SEC31A: variants seen among roughly 807,000 people sequenced by gnomAD.
SEC31A encodes SEC31 homolog A, COPII component.
SEC31A carries 70 observed loss-of-function variants against 151.0 expected under a neutral mutation model. The observed-to-expected ratio is 0.46, with a 90% CI of 0.38 to 0.57. The LOEUF (loss-of-function observed/expected upper bound fraction) is 0.57. SEC31A is among the 20% of genes least tolerant of loss of function. The pLI, the probability that SEC31A is intolerant of heterozygous loss-of-function variation, is 0.00. For synonymous variants in SEC31A, 475 were observed against 505.9 expected (o/e 0.94, Z 0.82); for missense variants, 1,330 against 1,471.2 (o/e 0.90, Z 1.57).
intron 14 of SEC31A, among the ~76,000 whole-genome samples, chr4:82,860,136 G>C (rs191922332): frequency 1.1e-4 from 17 of 151,990 alleles, no homozygotes; most frequent in African/African-American, 3.9e-4. Context: ...TTGCTTTCTA[G>C]AAACAATTTA....
chr4:82,869,788 C>T (rs893868534), intron 8 of SEC31A, among the ~76,000 whole-genome samples: 3 of 152,116 alleles, frequency 2.0e-5, no homozygotes, highest in Non-Finnish European at 2.9e-5. Context: ...ATCGAAGACA[C>T]TCTTTATTTT....
chr4:82,871,162 C>T (rs958400197), intron 7 of SEC31A, among the ~76,000 whole-genome samples: 2 of 152,186 alleles, frequency 1.3e-5, no homozygotes, highest in Non-Finnish European at 2.9e-5. Flanking sequence ...GGCAAATCAG[C>T]AAGACCCCAT....
At chr4:82,829,791 T>G (rs1378246770) in intron 22 of SEC31A, among the ~76,000 whole-genome samples, 2 of 152,182 alleles carry the variant, frequency 1.3e-5, no homozygotes, top group Non-Finnish European at 2.9e-5. Flanking sequence ...CCCTGTTATT[T>G]CAAAGTGAAA....
At chr4:82,833,894 GGA>G (rs896553259) in intron 22 of SEC31A, among the ~76,000 whole-genome samples, 3 of 152,158 alleles carry the variant, frequency 2.0e-5, no homozygotes, top group African/African-American at 7.2e-5. Context: ...CATGTCCCAG[GGA>G]AACTGTGAGG....
rs1002166850 is a variant in SEC31A, at chr4:82,844,569, T to C, written c.2503-60A>G. On this transcript the variant is annotated intron_variant, in intron 20 of 26. Transcript: ENST00000395310. ...AAGTAGAACCAGGAACTTCACCAGA[T>C]GGAATTACAATCTCTGAAATGGAAT... The C allele has an allele frequency of 1.5e-5, 22 of 1,517,096 alleles. No individual in the cohort carries two copies. In the Admixed American group the frequency reaches 3.7e-4, roughly 25 times the overall value. 94.0% of individuals were successfully genotyped at this position (1,517,096 alleles called of 1,614,324 possible). A position where few individuals can be genotyped will look rare whatever the true frequency, so the allele number is the denominator to read the frequency against.
intron 25 of SEC31A, among the ~76,000 whole-genome samples, chr4:82,822,919 G>C (rs1176752742): frequency 2.6e-5 from 4 of 152,098 alleles, no homozygotes. Context: ...GTTGCAGTGA[G>C]CCGAGATTGC....
intron 3 of SEC31A, chr4:82,899,664 A>G (rs1178639808): frequency 6.5e-6 from 1 of 152,688 alleles, no homozygotes; most frequent in Non-Finnish European, 1.5e-5. Flanking sequence ...TTCCATTCAG[A>G]GAAGATACAA....
At position 82,851,617 on chromosome 4, in the gene SEC31A, A is replaced by G; in HGVS notation, c.2155-13T>C. Reference sequence around the variant, plus strand: ...TCTCAATCAGATCCTAAATGAAAAAAATGAGTAACAAACAGAAATATCAAG... The same window carrying G: ...TCTCAATCAGATCCTAAATGAAAAAGATGAGTAACAAACAGAAATATCAAG... On this transcript the variant is annotated splice_polypyrimidine_tract_variant and intron_variant, in intron 18 of 26. Transcript: ENST00000395310. 1 of 1,598,608 alleles carries G rather than the reference A, an allele frequency of 6.3e-7. No homozygotes were observed. The highest frequency in any genetic ancestry group is 1.1e-5 in the South Asian group (1 of 89,562).
upstream of SEC31A, chr4:82,893,666 T>C (rs1282030227): frequency 2.0e-5 from 3 of 152,252 alleles, no homozygotes; most frequent in Non-Finnish European, 4.4e-5. Flanking sequence ...TAAGTCAACA[T>C]GAGTAGTCAC....
chr4:82,879,387 G>A (rs1738755239), intron 3 of SEC31A, among the ~76,000 whole-genome samples: 3 of 150,688 alleles, frequency 2.0e-5, no homozygotes, highest in South Asian at 4.2e-4. Context: ...AAAAAAAAGG[G>A]GGGGTCACTA....
intron 15 of SEC31A, among the ~76,000 whole-genome samples, 164 bp from the exon 16 acceptor site, chr4:82,857,294 T>C (rs928511896): frequency 6.6e-6 from 1 of 152,214 alleles, no homozygotes; most frequent in Non-Finnish European, 1.5e-5. Context: ...TATTGGTATT[T>C]ATGGAAGAGG....
chr4:82,841,926 T>C (rs1243978894), intron 22 of SEC31A, among the ~76,000 whole-genome samples: 1 of 149,448 alleles, frequency 6.7e-6, no homozygotes, highest in African/African-American at 2.5e-5. Context: ...AAGCCGAGAG[T>C]GCACCACTGT....
chr4:82,844,626 A>T, intron 20 of SEC31A, 117 bp from the exon 21 acceptor site: 1 of 1,008,900 alleles, frequency 9.9e-7, no homozygotes, highest in Non-Finnish European at 1.4e-6. Context: ...ACTTTATTGC[A>T]TAAGAAACAT....
chr4:82,890,102 C>A (rs965315773), intron 1 of SEC31A, among the ~76,000 whole-genome samples: 22 of 149,944 alleles, frequency 1.5e-4, no homozygotes, highest in African/African-American at 4.9e-4. Context: ...GTGGTGGGCG[C>A]CTGTAATCCC....
chr4:82,875,915 C>T (rs1433921305), intron 4 of SEC31A, 93 bp from the exon 5 acceptor site: 1 of 565,746 alleles, frequency 1.8e-6, no homozygotes, highest in Non-Finnish European at 3.0e-6. Flanking sequence ...TTAGATGTAG[C>T]ATACACAATT....
upstream of SEC31A, chr4:82,894,893 C>T (rs967639005): frequency 6.6e-6 from 1 of 152,090 alleles, no homozygotes; most frequent in African/African-American, 2.4e-5. Context: ...TATTTTGGTC[C>T]AAAAATTTTG....
At chr4:82,879,341 T>C (rs1738722842) in intron 3 of SEC31A, among the ~76,000 whole-genome samples, 1 of 143,942 alleles carries the variant, frequency 6.9e-6, no homozygotes, top group Non-Finnish European at 1.5e-5. Flanking sequence ...TATTTGACTA[T>C]AGAAGGGTCT....
upstream of SEC31A, chr4:82,895,748 T>C (rs1033486945): frequency 3.3e-5 from 5 of 152,196 alleles, no homozygotes; most frequent in Non-Finnish European, 5.9e-5. Flanking sequence ...TGATGTTCTC[T>C]AAGAAAAACA....
chr4:82,823,036 G>A (rs910071631), intron 25 of SEC31A, among the ~76,000 whole-genome samples: 2 of 152,180 alleles, frequency 1.3e-5, no homozygotes, highest in African/African-American at 4.8e-5. Context: ...CCCCAAGGGG[G>A]CAAGGGCAGC....
Sources: allele counts gnomAD v4.1 joint callset (sites outside exome capture counted in the v4.1 genomes callset), GRCh38; gene constraint gnomAD v4.1.1; transcripts MANE v1.5; gene names NCBI Gene and HGNC (gene_info 2026-07-23, HGNC 2026-07-21).